FARS2: variants seen among roughly 807,000 people sequenced by gnomAD.
FARS2 encodes the protein phenylalanine--tRNA ligase, mitochondrial.
FARS2 carries 40 observed loss-of-function variants against 46.4 expected under a neutral mutation model. That is an observed-to-expected ratio of 0.86 (90% CI 0.67 to 1.12). The LOEUF is 1.12. Ranked by LOEUF, FARS2 falls within the 50% of genes most tolerant of loss-of-function variation. FARS2 has a pLI of 0.00. For missense variants in FARS2, 513 were observed against 567.9 expected (o/e 0.90, Z 0.98); for synonymous variants, 234 against 214.9 (o/e 1.09, Z -0.78).
chr6:5,761,219 G>C (rs1050492335), intron 6 of FARS2, among the ~76,000 whole-genome samples: 1 of 152,120 alleles, frequency 6.6e-6, no homozygotes. Flanking sequence ...TTAACATTTA[G>C]TATTAATGGT....
chr6:5,724,277 C>A (rs1263844786), intron 6 of FARS2, among the ~76,000 whole-genome samples: 1 of 152,224 alleles, frequency 6.6e-6, no homozygotes, highest in East Asian at 1.9e-4. Context: ...CTGGGTGATT[C>A]TGGGTTCCAG....
At chr6:5,368,508 G>C (rs1758821352) in intron 1 of FARS2, 42 bp from the exon 2 acceptor site, 1 of 1,532,256 alleles carries the variant, frequency 6.5e-7, no homozygotes, top group Non-Finnish European at 8.8e-7. Context: ...GCTTTCCACA[G>C]AGTGACACCT....
At chr6:5,293,784 A>G (rs1767663699) in intron 1 of FARS2, among the ~76,000 whole-genome samples, 1 of 152,214 alleles carries the variant, frequency 6.6e-6, no homozygotes, top group South Asian at 2.1e-4. Flanking sequence ...TACAACAGGA[A>G]TTTTAGAGCC....
chr6:5,522,315 A>T (rs2150429689), intron 4 of FARS2, among the ~76,000 whole-genome samples: 1 of 152,334 alleles, frequency 6.6e-6, no homozygotes, highest in African/African-American at 2.4e-5. Flanking sequence ...GAGGAAGGTC[A>T]TGTGGCCCCA....
chr6:5,412,879 C>T (rs530879277), intron 3 of FARS2, among the ~76,000 whole-genome samples: 1 of 152,088 alleles, frequency 6.6e-6, no homozygotes, highest in Admixed American at 6.5e-5. Flanking sequence ...CTTGTCTGTA[C>T]TCGCCTCGCC....
intron 3 of FARS2, among the ~76,000 whole-genome samples, chr6:5,421,994 T>C (rs1762575547): frequency 6.6e-6 from 1 of 152,244 alleles, no homozygotes; most frequent in Admixed American, 6.5e-5. Context: ...ATTTACTGTA[T>C]TAGTTTGTTT....
intron 6 of FARS2, among the ~76,000 whole-genome samples, chr6:5,704,782 A>G (rs1156985932): frequency 1.3e-5 from 2 of 152,258 alleles, no homozygotes; most frequent in East Asian, 1.9e-4. Context: ...AGGAAATATA[A>G]TAAGGAACAT....
intron 6 of FARS2, among the ~76,000 whole-genome samples, chr6:5,704,052 A>G (rs1230337621): frequency 1.3e-5 from 2 of 152,022 alleles, no homozygotes; most frequent in African/African-American, 2.4e-5. Flanking sequence ...AGCAGTGGAG[A>G]TGGGGTCAGA....
the FARS2 span, among the ~76,000 whole-genome samples, chr6:5,254,985 T>C: frequency 7.2e-5 from 11 of 152,280 alleles, no homozygotes; most frequent in East Asian, 2.1e-3. Context: ...CATAACCACT[T>C]GACTAACAAT....
At chr6:5,691,683 G>T (rs1286350224) in intron 6 of FARS2, among the ~76,000 whole-genome samples, 2 of 152,220 alleles carry the variant, frequency 1.3e-5, no homozygotes, top group African/African-American at 4.8e-5. Context: ...ATCTCCAGCT[G>T]CGTGCTGGGA....
At chr6:5,440,464 C>G (rs73352432) in intron 4 of FARS2, among the ~76,000 whole-genome samples, 2,258 of 152,256 alleles carry the variant, frequency 0.015, 68 homozygotes, top group African/African-American at 0.051. Context: ...ATCCATGTGT[C>G]CTGTGCACTT....
At chr6:5,730,606 T>C (rs904386987) in intron 6 of FARS2, among the ~76,000 whole-genome samples, 1 of 152,052 alleles carries the variant, frequency 6.6e-6, no homozygotes, top group Non-Finnish European at 1.5e-5. Context: ...CATCAGTTAA[T>C]ATGTCCGAGC....
intron 6 of FARS2, among the ~76,000 whole-genome samples, chr6:5,632,882 C>T (rs1008287512): frequency 1.3e-5 from 2 of 151,872 alleles, no homozygotes; most frequent in African/African-American, 2.4e-5. Flanking sequence ...CAACACTAGA[C>T]CCTTATCACT....
intron 6 of FARS2, among the ~76,000 whole-genome samples, chr6:5,685,150 A>G (rs888344918): frequency 3.3e-5 from 5 of 151,046 alleles, no homozygotes; most frequent in Admixed American, 1.3e-4. Flanking sequence ...AATGGAAGCA[A>G]AAGGGGAGGG....
chr6:5,559,915 C>T (rs1425541278), intron 5 of FARS2, among the ~76,000 whole-genome samples: 5 of 151,944 alleles, frequency 3.3e-5, no homozygotes, highest in Admixed American at 6.5e-5. Flanking sequence ...GTAAATGGAG[C>T]AGGGATAATT....
intron 6 of FARS2, among the ~76,000 whole-genome samples, chr6:5,617,440 G>A (rs1672104589): frequency 6.6e-6 from 1 of 152,192 alleles, no homozygotes; most frequent in African/African-American, 2.4e-5. Flanking sequence ...GGTTCCTGTG[G>A]CAGAGATTGC....
rs1778134392 is a variant in FARS2 at position 5,666,582 on chromosome 6, AG to A, written c.1217+53263del. ...AGTGCTAGACACTGGAGGCAAAGAC[AG>A]ACAAACAGACAAAATAATTAAAATG... is the stretch of plus-strand genomic sequence containing the variant. On this transcript the variant is annotated intron_variant, in intron 6 of 6. Transcript: ENST00000274680. 3.3e-5 allele frequency among the ~76,000 whole-genome samples: 5 copies of A among 152,342 alleles called. No homozygotes were observed. In the South Asian group the frequency reaches 1.0e-3, roughly 32 times the overall value.
chr6:5,522,841 T>G (rs1425493318), intron 4 of FARS2, among the ~76,000 whole-genome samples: 1 of 152,236 alleles, frequency 6.6e-6, no homozygotes, highest in Non-Finnish European at 1.5e-5. Flanking sequence ...TATTTCTACT[T>G]AGTTTAACAT....
chr6:5,746,270 C>T (rs777277381), intron 6 of FARS2, among the ~76,000 whole-genome samples: 18 of 152,208 alleles, frequency 1.2e-4, no homozygotes, highest in African/African-American at 3.4e-4. Flanking sequence ...ACGATGGCCA[C>T]GTGGTCCTTA....
Sources: allele counts gnomAD v4.1 joint callset (sites outside exome capture counted in the v4.1 genomes callset), GRCh38; gene constraint gnomAD v4.1.1; transcripts MANE v1.5; gene names NCBI Gene and HGNC (gene_info 2026-07-23, HGNC 2026-07-21).